Variants in RNLS observed in about 807,000 individuals in gnomAD.
RNLS encodes renalase.
In RNLS, 39 loss-of-function variants were observed where a neutral mutation model predicts 39.8. The observed-to-expected ratio is 0.98, with a 90% CI of 0.76 to 1.28. The LOEUF (loss-of-function observed/expected upper bound fraction) is 1.28, where lower values mean the gene tolerates loss of function less well. Ranked by LOEUF, RNLS falls within the 50% of genes most tolerant of loss-of-function variation. RNLS has a pLI of 0.00. For synonymous variants in RNLS, 147 were observed against 150.7 expected (o/e 0.98, Z 0.18); for missense variants, 410 against 413.3 (o/e 0.99, Z 0.07).
chr10:88,246,371 CT>C, the RNLS span, among the ~76,000 whole-genome samples: 1 of 152,094 alleles, frequency 6.6e-6, no homozygotes, highest in Non-Finnish European at 1.5e-5. Context: ...CTTCAAAGCC[CT>C]CCAGTTTGCC....
At chr10:88,192,367 C>T in the RNLS span, among the ~76,000 whole-genome samples, 2 of 152,082 alleles carry the variant, frequency 1.3e-5, no homozygotes, top group South Asian at 2.1e-4. Context: ...TATCTAAGTA[C>T]CCATGAAATG....
intron 4 of RNLS, among the ~76,000 whole-genome samples, chr10:88,463,358 A>G (rs1378112800): frequency 6.6e-6 from 1 of 152,082 alleles, no homozygotes; most frequent in Non-Finnish European, 1.5e-5. Flanking sequence ...CAATTACCAG[A>G]AAACTACCAT....
the RNLS span, among the ~76,000 whole-genome samples, chr10:88,238,114 C>T: frequency 1.3e-5 from 2 of 152,320 alleles, no homozygotes; most frequent in East Asian, 3.9e-4. Context: ...ATTTATCAGC[C>T]AACAGATTCA....
At chr10:88,317,823 A>G (rs1222965963) in intron 5 of RNLS, among the ~76,000 whole-genome samples, 3 of 151,476 alleles carry the variant, frequency 2.0e-5, no homozygotes, top group South Asian at 2.1e-4. Flanking sequence ...TGAGATGCAG[A>G]AAAAAAAAGC....
At chr10:88,190,181 C>T in the RNLS span, among the ~76,000 whole-genome samples, 3 of 152,232 alleles carry the variant, frequency 2.0e-5, no homozygotes, top group Non-Finnish European at 2.9e-5. Context: ...ACTCCTCAAG[C>T]TGTTTTTGTC....
chr10:88,476,201 G>T (rs182551761), intron 4 of RNLS, among the ~76,000 whole-genome samples: 2 of 152,110 alleles, frequency 1.3e-5, no homozygotes, highest in Non-Finnish European at 2.9e-5. Context: ...TTAATATGTT[G>T]AAGAAACAGG....
intron 4 of RNLS, among the ~76,000 whole-genome samples, chr10:88,367,123 TATGCCTTG>T (rs1850181473): frequency 2.6e-5 from 4 of 151,970 alleles, no homozygotes; most frequent in Admixed American, 2.6e-4. Context: ...TAGAGAAAAT[TATGCCTTG>T]ATGAATTTTC....
chr10:88,297,546 A>G (rs1451656466), intron 6 of RNLS, among the ~76,000 whole-genome samples: 2 of 152,130 alleles, frequency 1.3e-5, no homozygotes, highest in Admixed American at 6.5e-5. Context: ...TTCTGTCTCT[A>G]TGGATTTGCC....
downstream of RNLS, among the ~76,000 whole-genome samples, chr10:88,269,109 A>C (rs1842578704): frequency 6.6e-6 from 1 of 152,258 alleles, no homozygotes. Flanking sequence ...TGAAACTCAA[A>C]GAGACATATC....
At chr10:88,359,453 G>GA (rs1316637800) in intron 5 of RNLS, among the ~76,000 whole-genome samples, 1 of 152,148 alleles carries the variant, frequency 6.6e-6, no homozygotes, top group Admixed American at 6.5e-5. Context: ...CAGATAGTGA[G>GA]AAAAAAATAG....
intron 4 of RNLS, among the ~76,000 whole-genome samples, chr10:88,411,593 G>A (rs1853661011): frequency 6.6e-6 from 1 of 151,272 alleles, no homozygotes; most frequent in Non-Finnish European, 1.5e-5. Flanking sequence ...TATGTAATTA[G>A]GCCAACAAAC....
chr10:88,574,422 C>T (rs2209554), intron 3 of RNLS, among the ~76,000 whole-genome samples: 2,008 of 152,312 alleles, frequency 0.013, 46 homozygotes, highest in African/African-American at 0.045. Context: ...CACTCCAGCT[C>T]AGTGTGATCC....
At chr10:88,315,163 CAT>C (rs1845665819) in intron 5 of RNLS, among the ~76,000 whole-genome samples, 1 of 152,214 alleles carries the variant, frequency 6.6e-6, no homozygotes, top group Admixed American at 6.5e-5. Context: ...GGCTTGTCCT[CAT>C]AATATTCTTC....
Position 88,582,941 on chromosome 10 carries a change from C to T in RNLS, c.118+132G>A, listed in dbSNP as rs559512564. On this transcript the variant is annotated intron_variant, in intron 1 of 6. Transcript: ENST00000331772. Reference sequence around the variant, plus strand: ...GGCGCGCCACTCGGCGCATGGGCCGCGCTACACGGCCGCTCAGGGAGCTGA... The same window carrying T: ...GGCGCGCCACTCGGCGCATGGGCCGTGCTACACGGCCGCTCAGGGAGCTGA... The T allele has an allele frequency of 2.0e-3, 2,214 of 1,081,292 alleles. 9 individuals carry two copies. Among genetic ancestry groups the T allele is most frequent in the Non-Finnish European group, 2.6e-3 (2,050 of 786,910 alleles). The allele number at this position is 1,081,292 out of a possible 1,614,324, so 67.0% of individuals were successfully genotyped here.
rs113255916 is a variant in RNLS, at chr10:88,498,382, C to T, written c.526+74521G>A. ...GTATTCTTCAACTTTTCAAATATAC[C>T]AGGGTCATGAAAGAAAAAGAAAGAC... is the stretch of plus-strand genomic sequence containing the variant. On this transcript the variant is annotated intron_variant, in intron 4 of 6. Transcript: ENST00000331772. Among the ~76,000 whole-genome samples the T allele has an allele frequency of 2.5e-3, 381 of 150,550 alleles. 2 individuals carry two copies. Among genetic ancestry groups the T allele is most frequent in the African/African-American group, 8.9e-3 (365 of 40,970 alleles).
chr10:88,424,360 G>A (rs950157010), intron 4 of RNLS, among the ~76,000 whole-genome samples: 5 of 152,142 alleles, frequency 3.3e-5, no homozygotes, highest in African/African-American at 9.7e-5. Context: ...GTTCAACACT[G>A]GATAAAGGAA....
At chr10:88,445,624 C>A (rs1013584214) in intron 4 of RNLS, among the ~76,000 whole-genome samples, 1 of 152,036 alleles carries the variant, frequency 6.6e-6, no homozygotes, top group African/African-American at 2.4e-5. Context: ...GGAAGATCTA[C>A]CAAGCAAATG....
chr10:88,519,408 A>AACATATAT (rs1846586318), intron 4 of RNLS, among the ~76,000 whole-genome samples: 1 of 151,654 alleles, frequency 6.6e-6, no homozygotes, highest in Non-Finnish European at 1.5e-5. Context: ...TTATAAAAAC[A>AACATATAT]ACATATATAT....
chr10:88,479,776 CTTTCT>C (rs200689954), intron 4 of RNLS, among the ~76,000 whole-genome samples: 2,669 of 145,512 alleles, frequency 0.018, 41 homozygotes, highest in East Asian at 0.065. Context: ...CTTCTCTGGA[CTTTCT>C]TTTCTTTTTT....
Sources: allele counts gnomAD v4.1 joint callset (sites outside exome capture counted in the v4.1 genomes callset), GRCh38; gene constraint gnomAD v4.1.1; transcripts MANE v1.5; gene names NCBI Gene and HGNC (gene_info 2026-07-23, HGNC 2026-07-21).